Variants in STK32B observed in about 807,000 individuals in gnomAD.
STK32B encodes serine/threonine kinase 32B, also known as serine/threonine-protein kinase 32B.
STK32B carries 43 observed loss-of-function variants against 52.6 expected under a neutral mutation model. The ratio of observed to expected loss-of-function variants is 0.82; its 90% CI spans 0.64 to 1.05. STK32B has a LOEUF of 1.05. Ranked by LOEUF, STK32B falls within the 50% of genes least tolerant of loss-of-function variation. The pLI is 0.00. For synonymous variants in STK32B, 238 were observed against 204.3 expected, an observed-to-expected ratio of 1.17 and a Z score of -1.41; for missense variants, 621 against 534.6, an observed-to-expected ratio of 1.16 and a Z score of -1.59.
chr4:5,299,173 G>A (rs569744952), intron 3 of STK32B, among the ~76,000 whole-genome samples: 2 of 152,028 alleles, frequency 1.3e-5, no homozygotes, highest in African/African-American at 4.8e-5. Flanking sequence ...ACCTCAGTTG[G>A]AAATGCAGAA....
At chr4:5,245,872 C>G (rs554046376) in intron 3 of STK32B, among the ~76,000 whole-genome samples, 1 of 152,166 alleles carries the variant, frequency 6.6e-6, no homozygotes, top group East Asian at 1.9e-4. Context: ...GTTGAAAATT[C>G]TTTTCTTTAA....
chr4:5,309,894 G>C (rs1318219748), intron 3 of STK32B, among the ~76,000 whole-genome samples: 9 of 152,118 alleles, frequency 5.9e-5, no homozygotes, highest in Non-Finnish European at 8.8e-5. Context: ...GGCTGGGTGT[G>C]GTAGCTCATG....
At chr4:5,200,025 C>T (rs1722006450) in intron 3 of STK32B, among the ~76,000 whole-genome samples, 1 of 152,168 alleles carries the variant, frequency 6.6e-6, no homozygotes. Flanking sequence ...GCTGTAGGAA[C>T]AAAGGCCCCA....
chr4:5,240,780 A>C (rs986449455), intron 3 of STK32B, among the ~76,000 whole-genome samples: 1 of 151,962 alleles, frequency 6.6e-6, no homozygotes. Flanking sequence ...AAATGTATCA[A>C]TTTTCTGCTT....
the STK32B span, among the ~76,000 whole-genome samples, chr4:5,036,033 C>T: frequency 2.1e-4 from 32 of 152,106 alleles, no homozygotes; most frequent in African/African-American, 6.5e-4. Flanking sequence ...CCACCGGCCT[C>T]GGCCTCCCAA....
intron 2 of STK32B, among the ~76,000 whole-genome samples, chr4:5,158,438 T>A (rs1044726476): frequency 1.3e-5 from 2 of 152,170 alleles, no homozygotes; most frequent in Admixed American, 1.3e-4. Context: ...CTCCACCTGC[T>A]TCCAGAAAGA....
chr4:5,072,250 G>C (rs549127583), intron 1 of STK32B, among the ~76,000 whole-genome samples: 1 of 152,218 alleles, frequency 6.6e-6, no homozygotes, highest in Admixed American at 6.5e-5. Flanking sequence ...GTACCCTGCA[G>C]ACTCAAAATT....
chr4:5,235,047 C>G (rs533450658), intron 3 of STK32B, among the ~76,000 whole-genome samples: 66 of 152,246 alleles, frequency 4.3e-4, no homozygotes, highest in African/African-American at 1.5e-3. Context: ...TTAAGTAAAC[C>G]AGAACATTTC....
chr4:5,350,268 A>C (rs1733742154), intron 4 of STK32B, among the ~76,000 whole-genome samples: 1 of 152,208 alleles, frequency 6.6e-6, no homozygotes, highest in South Asian at 2.1e-4. Flanking sequence ...CAGATTTTTC[A>C]GAAAAAAATA....
chr4:5,372,037 T>C lies in STK32B; in HGVS notation c.435-26170T>C, dbSNP rs1577408374. Among the ~76,000 whole-genome samples the C allele has an allele frequency of 2.0e-5, 3 of 152,310 alleles. 1 individual carries two copies. The highest frequency in any genetic ancestry group is 7.2e-5 in the African/African-American group (3 of 41,564). ...CAGGCCAGGATGTGGGCTGCATTGG[T>C]CACACTCATGCCTGCAGGCAGGCGA... is the stretch of plus-strand genomic sequence containing the variant. On this transcript the variant is annotated intron_variant, in intron 4 of 11. Coordinates refer to ENST00000282908, the MANE Select transcript of STK32B (RefSeq NM_018401.3).
chr4:5,353,682 C>G (rs2108988668), intron 4 of STK32B, among the ~76,000 whole-genome samples: 1 of 152,144 alleles, frequency 6.6e-6, no homozygotes, highest in Non-Finnish European at 1.5e-5. Flanking sequence ...ATCAAAAGAA[C>G]AAGAAGATAT....
chr4:5,181,861 C>T (rs988070965), intron 3 of STK32B, among the ~76,000 whole-genome samples: 2 of 152,324 alleles, frequency 1.3e-5, no homozygotes, highest in South Asian at 4.1e-4. Context: ...AATAAGACAA[C>T]AAGAAAGTGT....
At chr4:5,387,324 A>T (rs1736323926) in intron 4 of STK32B, among the ~76,000 whole-genome samples, 2 of 152,192 alleles carry the variant, frequency 1.3e-5, no homozygotes, top group Admixed American at 6.5e-5. Context: ...CTGCAAATCT[A>T]GGAATGGGCC....
At chr4:5,446,599 T>A in intron 6 of STK32B, 74 bp from the exon 7 acceptor site, 1 of 1,216,476 alleles carries the variant, frequency 8.2e-7, no homozygotes, top group Non-Finnish European at 1.2e-6. Context: ...ATTTCTCTCC[T>A]TGTCCCCTCT....
chr4:5,204,427 G>T (rs13150671), intron 3 of STK32B, among the ~76,000 whole-genome samples: 41,245 of 142,210 alleles, frequency 0.29, 6,410 homozygotes, highest in East Asian at 0.47. Context: ...TGTTTTTTAG[G>T]TTTTTTTTGT....
In STK32B at chr4:5,290,853, T is replaced by C. The variant is rs1216708287; in HGVS notation, c.261-40367T>C. On this transcript the variant is annotated intron_variant, in intron 3 of 11. Coordinates refer to ENST00000282908, the MANE Select transcript of STK32B (RefSeq NM_018401.3). ...TCTGTAGATTCAACACAATTATTTT[T>C]AAAATTTCAGCTATAATATTTGCCA... Among the ~76,000 whole-genome samples, 5 of 152,120 alleles carry C rather than the reference T, an allele frequency of 3.3e-5. No homozygotes were observed. In the South Asian group the frequency reaches 8.3e-4, roughly 25 times the overall value.
At chr4:5,296,611 C>G (rs1462344501) in intron 3 of STK32B, among the ~76,000 whole-genome samples, 1 of 152,094 alleles carries the variant, frequency 6.6e-6, no homozygotes, top group Non-Finnish European at 1.5e-5. Flanking sequence ...TTTCCATTTG[C>G]TTGGTGAATA....
rs184824845 is a variant in STK32B at position 5,079,945 on chromosome 4, G to T, written c.52+28030G>T. Reference sequence around the variant, plus strand: ...CACAAAAGCAGACAGTAGGATGGTAGTTAAGAGAGGTTGGGGGCTGGGGAA... The same window carrying T: ...CACAAAAGCAGACAGTAGGATGGTATTTAAGAGAGGTTGGGGGCTGGGGAA... On this transcript the variant is annotated intron_variant, in intron 1 of 11. Coordinates refer to ENST00000282908, the MANE Select transcript of STK32B (RefSeq NM_018401.3). Among the ~76,000 whole-genome samples, 3 of 152,314 alleles carry T rather than the reference G, an allele frequency of 2.0e-5. No individual in the cohort carries two copies. In the East Asian group the frequency reaches 5.8e-4, roughly 29 times the overall value.
chr4:5,157,504 G>A (rs1717955504), intron 2 of STK32B, among the ~76,000 whole-genome samples: 1 of 152,198 alleles, frequency 6.6e-6, no homozygotes, highest in South Asian at 2.1e-4. Context: ...GCCTCTCCGA[G>A]AGGAGAAATT....
Sources: allele counts gnomAD v4.1 joint callset (sites outside exome capture counted in the v4.1 genomes callset), GRCh38; gene constraint gnomAD v4.1.1; transcripts MANE v1.5; gene names NCBI Gene and HGNC (gene_info 2026-07-23, HGNC 2026-07-21).